The following PIK3C3 variants were observed in gnomAD, a reference collection of about 807,000 sequenced individuals.
The protein encoded by PIK3C3 is PI3-kinase type 3.
PIK3C3 carries 95 observed loss-of-function variants against 126.1 expected under a neutral mutation model. The ratio of observed to expected loss-of-function variants is 0.75; its 90% confidence interval spans 0.64 to 0.89. The LOEUF is 0.89. Ranked by LOEUF, PIK3C3 falls within the 40% of genes least tolerant of loss-of-function variation. The pLI is 0.00. For missense variants in PIK3C3, 829 were observed against 1,063.2 expected (o/e 0.78, Z 3.06); for synonymous variants, 374 against 360.0 (o/e 1.04, Z -0.44).
chr18:42,034,532 G>C (rs977229432), intron 16 of PIK3C3, among the ~76,000 whole-genome samples: 6 of 152,280 alleles, frequency 3.9e-5, no homozygotes, highest in Admixed American at 1.3e-4. Context: ...ATCTGTTCCT[G>C]TTGAACCTTA....
intron 24 of PIK3C3, among the ~76,000 whole-genome samples, chr18:42,080,383 C>T (rs990062542): frequency 6.6e-6 from 1 of 152,172 alleles, no homozygotes; most frequent in Admixed American, 6.5e-5. Context: ...CACACACAGA[C>T]ACACTTGTCA....
In PIK3C3 at chr18:42,037,745, T is replaced by C. The variant is rs759717251; in HGVS notation, c.1893T>C (p.Tyr631=). 11 of 1,612,110 alleles carry C rather than the reference T, an allele frequency of 6.8e-6. No homozygotes were observed. The highest frequency in any genetic ancestry group is 4.4e-5 in the South Asian group (4 of 90,972). The change falls in exon 17 of 25, where the codon TAT becomes TAC. Residue 631 remains tyrosine, a synonymous_variant. Coordinates refer to ENST00000262039, the MANE Select transcript of PIK3C3 (RefSeq NM_002647.4). The part of the protein sequence containing the change: ...LFFKTEDGGK[Y]PVIFKHGDDL... ...TTAAGACGGAAGATGGAGGCAAATA[T>C]CCAGTTATATTTAAGCATGGAGATG...
At chr18:42,071,719 C>CAA (rs200860046) in intron 24 of PIK3C3, among the ~76,000 whole-genome samples, 53 of 98,894 alleles carry the variant, frequency 5.4e-4, no homozygotes, top group African/African-American at 1.8e-3. Flanking sequence ...GATTCTGTCT[C>CAA]AAAAAAAAAA....
chr18:41,972,109 A>C (rs1288933791), intron 4 of PIK3C3, among the ~76,000 whole-genome samples: 1 of 152,108 alleles, frequency 6.6e-6, no homozygotes, highest in Admixed American at 6.6e-5. Context: ...GCACAACGTT[A>C]ATAGTATATC....
At chr18:41,976,642 A>C (rs1465904283) in intron 4 of PIK3C3, among the ~76,000 whole-genome samples, 2 of 152,216 alleles carry the variant, frequency 1.3e-5, no homozygotes, top group African/African-American at 2.4e-5. Flanking sequence ...AATAGTAGTT[A>C]TATCTGTTTT....
At chr18:42,031,295 TAA>T (rs1250935192) in intron 15 of PIK3C3, among the ~76,000 whole-genome samples, 1 of 152,140 alleles carries the variant, frequency 6.6e-6, no homozygotes, top group Non-Finnish European at 1.5e-5. Flanking sequence ...ATCCCTGAGT[TAA>T]GTGTCAAATG....
chr18:42,014,162 T>C (rs1286110905), intron 11 of PIK3C3, among the ~76,000 whole-genome samples: 3 of 132,304 alleles, frequency 2.3e-5, no homozygotes, highest in Non-Finnish European at 4.6e-5. Context: ...AAGCTGAGAT[T>C]GCACCAGTGC....
At chr18:41,970,096 C>T (rs1199125585) in intron 3 of PIK3C3, among the ~76,000 whole-genome samples, 1 of 152,030 alleles carries the variant, frequency 6.6e-6, no homozygotes, top group Non-Finnish European at 1.5e-5. Flanking sequence ...GTGTAGAATT[C>T]TCTGTCATAG....
chr18:42,035,720 T>C (rs1160605882), intron 16 of PIK3C3, among the ~76,000 whole-genome samples: 1 of 152,126 alleles, frequency 6.6e-6, no homozygotes, highest in African/African-American at 2.4e-5. Flanking sequence ...ATTATGCACT[T>C]CAGAAAATTG....
chr18:41,997,615 T>G (rs1226114008), intron 9 of PIK3C3, among the ~76,000 whole-genome samples: 3 of 152,094 alleles, frequency 2.0e-5, no homozygotes, highest in Non-Finnish European at 4.4e-5. Flanking sequence ...GGGTACCTCT[T>G]AAGGTATAAT....
chr18:42,033,876 A>G lies in PIK3C3; in HGVS notation c.1758A>G (p.Ser586=). The G allele has an allele frequency of 1.2e-6, 2 of 1,605,454 alleles. No homozygotes were observed. The highest frequency in any genetic ancestry group is 1.7e-6 in the Non-Finnish European group (2 of 1,174,532). Residue 586 remains serine (S), a synonymous_variant, in exon 16 of 25, where the codon TCA becomes TCG. Transcript: ENST00000262039. ...GAGATAATGAAAAGATGAATTTGTC[A>G]GATGTGGAACTTATCCCGTTGCCTT... is the stretch of plus-strand genomic sequence containing the variant. The part of the protein sequence containing the change: ...LLGDNEKMNL[S]DVELIPLPLE...
intron 12 of PIK3C3, among the ~76,000 whole-genome samples, chr18:42,018,045 C>G (rs553819128): frequency 6.6e-6 from 1 of 151,742 alleles, no homozygotes; most frequent in African/African-American, 2.4e-5. Flanking sequence ...TCCCTCCACC[C>G]CACCCCATCT....
chr18:42,017,530 G>T (rs1598899736), intron 12 of PIK3C3, among the ~76,000 whole-genome samples: 1 of 152,050 alleles, frequency 6.6e-6, no homozygotes, highest in Non-Finnish European at 1.5e-5. Context: ...ATCTGTGAAA[G>T]AATTAGGGCA....
chr18:42,001,546 C>CT (rs1219018903), intron 9 of PIK3C3, among the ~76,000 whole-genome samples: 1 of 152,134 alleles, frequency 6.6e-6, no homozygotes, highest in African/African-American at 2.4e-5. Context: ...TCTTCAAATT[C>CT]TTACTTTTTG....
At chr18:41,969,986 T>C (rs1432658025) in intron 3 of PIK3C3, among the ~76,000 whole-genome samples, 3 of 152,210 alleles carry the variant, frequency 2.0e-5, no homozygotes, top group African/African-American at 7.2e-5. Flanking sequence ...TGTGGCATTC[T>C]TCAGTTGGTT....
At chr18:41,995,845 C>A (rs773484132) in intron 7 of PIK3C3, 45 bp from the exon 8 acceptor site, 1 of 1,338,524 alleles carries the variant, frequency 7.5e-7, no homozygotes, top group Non-Finnish European at 1.1e-6. Flanking sequence ...TTGAAATTTC[C>A]TTTTGGTGAA....
chr18:42,046,840 T>C (rs558399825), intron 20 of PIK3C3, among the ~76,000 whole-genome samples: 1 of 152,292 alleles, frequency 6.6e-6, no homozygotes, highest in South Asian at 2.1e-4. Context: ...TTTTCATCTT[T>C]ACTATTAAAT....
At chr18:42,032,004 G>C (rs1598914058) in intron 15 of PIK3C3, among the ~76,000 whole-genome samples, 2 of 152,176 alleles carry the variant, frequency 1.3e-5, no homozygotes, top group East Asian at 3.9e-4. Context: ...ATATGTTATG[G>C]AGAAAAATAA....
intron 4 of PIK3C3, among the ~76,000 whole-genome samples, chr18:41,981,344 A>G (rs1055580157): frequency 3.9e-5 from 6 of 152,210 alleles, no homozygotes; most frequent in African/African-American, 1.4e-4. Context: ...TTACAGTTAT[A>G]GTTTCTGCCA....
Sources: gnomAD v4.1 joint callset for allele counts (sites outside exome capture counted in the v4.1 genomes callset) on GRCh38, gnomAD v4.1.1 for gene constraint, MANE v1.5 for transcripts, NCBI Gene and HGNC (gene_info 2026-07-23, HGNC 2026-07-21) for gene names.